RGS9: variants seen among roughly 807,000 people sequenced by gnomAD.
RGS9 encodes regulator of G protein signaling 9.
RGS9 carries 78 observed loss-of-function variants against 102.0 expected under a neutral mutation model. The ratio of observed to expected loss-of-function variants is 0.76; its 90% CI spans 0.64 to 0.92. The LOEUF (loss-of-function observed/expected upper bound fraction) is 0.92. RGS9 is among the 40% of genes least tolerant of loss of function. The pLI is 0.00. For synonymous variants in RGS9, 353 were observed against 318.6 expected (o/e 1.11, Z -1.15); for missense variants, 833 against 866.1 (o/e 0.96, Z 0.48).
chr17:65,169,961 A>C (rs1200187463), intron 8 of RGS9, among the ~76,000 whole-genome samples: 1 of 149,542 alleles, frequency 6.7e-6, no homozygotes, highest in African/African-American at 2.5e-5. Context: ...TGTCTTCATC[A>C]CTGTGGTCAC....
At chr17:65,194,836 C>T (rs1041938206) in intron 12 of RGS9, among the ~76,000 whole-genome samples, 13 of 152,134 alleles carry the variant, frequency 8.5e-5, no homozygotes, top group African/African-American at 3.1e-4. Flanking sequence ...TCAACACTGC[C>T]GAGGCCATGA....
At chr17:65,179,635 C>CTG (rs56275900) in intron 9 of RGS9, among the ~76,000 whole-genome samples, 16,243 of 124,850 alleles carry the variant, frequency 0.13, 982 homozygotes, top group Non-Finnish European at 0.14. Context: ...TACTGCTCAG[C>CTG]TGTGTGTGTG....
intron 2 of RGS9, among the ~76,000 whole-genome samples, chr17:65,157,513 G>T (rs182219887): frequency 6.6e-6 from 1 of 151,818 alleles, no homozygotes; most frequent in Non-Finnish European, 1.5e-5. Flanking sequence ...GGGTGTACGG[G>T]TGCACATTCT....
chr17:65,168,504 G>A (rs1171967745), intron 8 of RGS9, among the ~76,000 whole-genome samples: 1 of 151,774 alleles, frequency 6.6e-6, no homozygotes. Flanking sequence ...GTGTTAGGTA[G>A]GGAGGGACCT....
chr17:65,225,597 AC>A (rs1905629487), intron 18 of RGS9, 111 bp downstream of exon 18: 1 of 1,504,494 alleles, frequency 6.6e-7, no homozygotes, highest in Non-Finnish European at 9.1e-7. Context: ...GAGAACAGAT[AC>A]CCCAGGCAGC....
At chr17:65,191,779 G>A (rs1395054028) in intron 11 of RGS9, among the ~76,000 whole-genome samples, 5 of 152,074 alleles carry the variant, frequency 3.3e-5, no homozygotes, top group East Asian at 1.9e-4. Flanking sequence ...TCTGATTGTC[G>A]ACTAAGAGAG....
intron 16 of RGS9, among the ~76,000 whole-genome samples, chr17:65,208,489 T>C (rs1281455130): frequency 6.6e-6 from 1 of 152,184 alleles, no homozygotes; most frequent in Non-Finnish European, 1.5e-5. Context: ...GACCATGTTT[T>C]AGAAGTCCAT....
chr17:65,201,666 T>C (rs947634074), intron 13 of RGS9, among the ~76,000 whole-genome samples: 2 of 152,188 alleles, frequency 1.3e-5, no homozygotes, highest in African/African-American at 4.8e-5. Context: ...CTGTGTATTG[T>C]TGGAGGAAAG....
Position 65,225,288 on chromosome 17 carries a change from G to A in RGS9, c.1694G>A (p.Trp565Ter), listed in dbSNP as rs773401344. The A allele has an allele frequency of 3.1e-6, 5 of 1,608,542 alleles. No homozygotes were observed. The highest frequency in any genetic ancestry group is 1.1e-5 in the South Asian group (1 of 91,004). ...AGCGAGGCCTCCCTCGACACCTCCTGGCCTCGCAGCCGGCCCAGGGCCCCT... is the reference window on the plus strand; with the variant it reads ...AGCGAGGCCTCCCTCGACACCTCCTAGCCTCGCAGCCGGCCCAGGGCCCCT... Reference protein sequence around the residue: ...ESSEASLDTSWPRSRPRAPPK... With the variant: ...ESSEASLDTS The change falls in exon 18 of 19, where the codon TGG (tryptophan) becomes TAG (stop). Residue 565 changes from tryptophan to a stop codon, truncating the protein, a stop_gained. Coordinates refer to ENST00000262406, the MANE Select transcript of RGS9 (RefSeq NM_003835.4). LOFTEE classifies it high-confidence loss of function.
intron 17 of RGS9, among the ~76,000 whole-genome samples, chr17:65,213,367 G>T (rs1271318313): frequency 6.6e-6 from 1 of 152,146 alleles, no homozygotes; most frequent in Non-Finnish European, 1.5e-5. Context: ...AACTTCTGGG[G>T]GAACGTGTTT....
chr17:65,189,914 T>G (rs74618450), intron 10 of RGS9, among the ~76,000 whole-genome samples: 1 of 152,098 alleles, frequency 6.6e-6, no homozygotes, highest in East Asian at 1.9e-4. Context: ...GTGTCTCAGT[T>G]GAATGCTCCT....
intron 5 of RGS9, 80 bp downstream of exon 5, chr17:65,160,667 G>A (rs149332039): frequency 0.014 from 20,577 of 1,515,256 alleles, 186 homozygotes; most frequent in Non-Finnish European, 0.016. Flanking sequence ...GGTGACATTT[G>A]TCTTGCTGTC....
In RGS9 at chr17:65,212,842, T is replaced by A. The variant is rs543320741; in HGVS notation, c.1407+2237T>A. On this transcript the variant is annotated intron_variant, in intron 17 of 18. Coordinates refer to ENST00000262406, the MANE Select transcript of RGS9 (RefSeq NM_003835.4). ...CTCTGGAAGGTACCCCAAGTAGAAA[T>A]GTAAACCATTGTAAACTGGGTGACA... Among the ~76,000 whole-genome samples, 59 of 152,296 alleles carry A rather than the reference T, an allele frequency of 3.9e-4. 2 individuals are homozygous for A. The South Asian group carries it at 4.4e-3, about 11-fold the overall frequency.
chr17:65,223,948 G>T (rs1233197088), intron 17 of RGS9, among the ~76,000 whole-genome samples: 2 of 151,894 alleles, frequency 1.3e-5, no homozygotes, highest in African/African-American at 4.8e-5. Context: ...GTAGAGATGG[G>T]GTTTCTTCAT....
intron 1 of RGS9, 85 bp from the exon 2 acceptor site, chr17:65,153,337 G>A: frequency 2.6e-6 from 3 of 1,150,940 alleles, no homozygotes; most frequent in South Asian, 1.2e-5. Flanking sequence ...TGCATTTTGA[G>A]GTCCCTCTCA....
At chr17:65,172,602 T>C (rs1911462075) in intron 8 of RGS9, among the ~76,000 whole-genome samples, 1 of 152,214 alleles carries the variant, frequency 6.6e-6, no homozygotes, top group South Asian at 2.1e-4. Flanking sequence ...ATCTGCTCTA[T>C]GCCGGGTGCT....
chr17:65,148,323 C>T (rs564121582), intron 1 of RGS9, among the ~76,000 whole-genome samples: 2 of 152,288 alleles, frequency 1.3e-5, no homozygotes, highest in South Asian at 4.1e-4. Context: ...TGACAGTGGA[C>T]ACTTAGGTTA....
At chr17:65,207,425 G>A (rs4790954) in intron 15 of RGS9, among the ~76,000 whole-genome samples, 34,886 of 152,056 alleles carry the variant, frequency 0.23, 5,543 homozygotes, top group African/African-American at 0.43. Flanking sequence ...GTGTCCTCAT[G>A]TGAACAAATG....
At chr17:65,163,201 G>GCAAGAC in intron 7 of RGS9, 112 bp downstream of exon 7, 2 of 472,840 alleles carry the variant, frequency 4.2e-6, no homozygotes, top group Non-Finnish European at 7.2e-6. Context: ...TTGAGACAGA[G>GCAAGAC]TCTTGCTCTG....
Sources: allele counts gnomAD v4.1 joint callset (sites outside exome capture counted in the v4.1 genomes callset), GRCh38; gene constraint gnomAD v4.1.1; transcripts MANE v1.5; gene names NCBI Gene and HGNC (gene_info 2026-07-23, HGNC 2026-07-21).